The following CSMD1 variants were observed in gnomAD, a reference collection of about 807,000 sequenced individuals.
CSMD1 encodes CUB and Sushi multiple domains 1.
A neutral mutation model predicts 417.5 loss-of-function variants in CSMD1; 213 were observed. The ratio of observed to expected loss-of-function variants is 0.51; its 90% CI spans 0.46 to 0.57. CSMD1 has a LOEUF of 0.57. CSMD1 is among the 20% of genes least tolerant of loss of function. CSMD1 has a pLI of 0.00. For missense variants in CSMD1, 6,923 were observed against 4,529.7 expected, an observed-to-expected ratio of 1.53 and a Z score of -15.17; for synonymous variants, 2,862 against 1,736.8, an observed-to-expected ratio of 1.65 and a Z score of -16.11.
At chr8:3,534,422 G>C (rs549804537) in intron 10 of CSMD1, among the ~76,000 whole-genome samples, 26 of 148,312 alleles carry the variant, frequency 1.8e-4, no homozygotes, top group African/African-American at 6.0e-4. Context: ...TCTCTCCTTT[G>C]TTTTGGGCAA....
At chr8:3,915,192 G>T (rs2975330) in intron 5 of CSMD1, among the ~76,000 whole-genome samples, 31,500 of 151,884 alleles carry the variant, frequency 0.21, 3,773 homozygotes, top group African/African-American at 0.31. Context: ...GACCACCTAA[G>T]GTCAGGATTT....
At chr8:4,290,522 T>C (rs1797303876) in intron 3 of CSMD1, among the ~76,000 whole-genome samples, 1 of 152,196 alleles carries the variant, frequency 6.6e-6, no homozygotes, top group Non-Finnish European at 1.5e-5. Flanking sequence ...ATGATGTTTC[T>C]CTGAGTTATG....
chr8:3,125,834 G>T (rs188032848), intron 41 of CSMD1, among the ~76,000 whole-genome samples: 8 of 152,104 alleles, frequency 5.3e-5, no homozygotes, highest in Non-Finnish European at 1.2e-4. Flanking sequence ...AAAATTAGCT[G>T]GGCGTGGTAG....
chr8:4,105,337 A>AT (rs35419182), intron 3 of CSMD1, among the ~76,000 whole-genome samples: 37,764 of 151,160 alleles, frequency 0.25, 4,880 homozygotes, highest in East Asian at 0.45. Flanking sequence ...ACACTTCTGA[A>AT]TTTTTTTTTT....
At chr8:3,780,313 C>T (rs530194726) in intron 5 of CSMD1, among the ~76,000 whole-genome samples, 76 of 152,296 alleles carry the variant, frequency 5.0e-4, no homozygotes, top group African/African-American at 1.7e-3. Flanking sequence ...GCAAATGAGT[C>T]AACTGAAATA....
At chr8:3,936,733 T>G (rs922426216) in intron 5 of CSMD1, among the ~76,000 whole-genome samples, 1 of 152,190 alleles carries the variant, frequency 6.6e-6, no homozygotes, top group Admixed American at 6.6e-5. Flanking sequence ...TTCATGCTTG[T>G]TAACACAACA....
intron 2 of CSMD1, among the ~76,000 whole-genome samples, chr8:4,635,763 G>A (rs1802780280): frequency 6.6e-6 from 1 of 151,970 alleles, no homozygotes; most frequent in Non-Finnish European, 1.5e-5. Context: ...ATTTAAGAAA[G>A]CCTACATCAA....
At chr8:4,129,642 G>T (rs1030570152) in intron 3 of CSMD1, among the ~76,000 whole-genome samples, 2 of 151,950 alleles carry the variant, frequency 1.3e-5, no homozygotes, top group African/African-American at 4.8e-5. Context: ...AAATTTGGTA[G>T]GATATTCTCT....
chr8:3,423,820 T>C (rs1024376215), intron 12 of CSMD1, among the ~76,000 whole-genome samples: 2 of 152,218 alleles, frequency 1.3e-5, no homozygotes, highest in African/African-American at 2.4e-5. Context: ...CTCAGCGACC[T>C]TGTCTCTCCT....
intron 3 of CSMD1, among the ~76,000 whole-genome samples, chr8:4,257,891 T>C (rs185637924): frequency 1.3e-5 from 2 of 152,326 alleles, no homozygotes; most frequent in Non-Finnish European, 2.9e-5. Context: ...GCCTCTGTTG[T>C]GACCAGGCTA....
chr8:4,460,266 G>T (rs999984505), intron 2 of CSMD1, among the ~76,000 whole-genome samples: 1 of 151,884 alleles, frequency 6.6e-6, no homozygotes, highest in Non-Finnish European at 1.5e-5. Context: ...AATCACTAGG[G>T]AAATTTAAAA....
chr8:4,392,548 G>C (rs896467161), intron 3 of CSMD1, among the ~76,000 whole-genome samples: 3 of 151,846 alleles, frequency 2.0e-5, no homozygotes, highest in African/African-American at 7.3e-5. Flanking sequence ...TGGTCACTAG[G>C]AAACTTAAAT....
rs74534898 is a variant in CSMD1 at position 4,368,270 on chromosome 8, T to G, written c.415+51683A>C. On this transcript the variant is annotated intron_variant, in intron 3 of 69. Transcript: ENST00000635120. ...ATGATCTTGTGGCTTTTTTGTTCTG[T>G]GTATATGGTGAATCACATTTATTGA... is the stretch of plus-strand genomic sequence containing the variant. 2.4e-4 allele frequency among the ~76,000 whole-genome samples: 37 copies of G among 152,318 alleles called. No individual in the cohort carries two copies. The East Asian group carries it at 6.9e-3, about 29-fold the overall frequency.
At chr8:3,543,055 C>G (rs1389925782) in intron 10 of CSMD1, among the ~76,000 whole-genome samples, 1 of 152,136 alleles carries the variant, frequency 6.6e-6, no homozygotes, top group African/African-American at 2.4e-5. Context: ...TCGCTGGGCT[C>G]AGACAAGTTG....
At position 3,414,622 on chromosome 8, in the gene CSMD1, C is replaced by A. The variant is rs564710617; in HGVS notation, c.1562-5017G>T. ...ACCTTGCTTGAAATTTTTCTGGTGA[C>A]CAACTTTGTTCTTAGTCCAGATCCT... On this transcript the variant is annotated intron_variant, in intron 12 of 69. Coordinates refer to ENST00000635120, the MANE Select transcript of CSMD1 (RefSeq NM_033225.6). Among the ~76,000 whole-genome samples, 22 of 152,260 alleles carry A rather than the reference C, an allele frequency of 1.4e-4. No individual in the cohort carries two copies. The South Asian group carries it at 4.1e-3, about 29-fold the overall frequency.
intron 24 of CSMD1, among the ~76,000 whole-genome samples, chr8:3,308,063 CTAATAATATGTGATAAT>C (rs1563254180): frequency 2.0e-5 from 1 of 51,216 alleles, no homozygotes; most frequent in African/African-American, 5.0e-5. Context: ...TGTGATAATT[CTAATAATATGTGATAAT>C]TCTAATAATA....
chr8:3,605,801 A>G (rs1584951084), intron 8 of CSMD1, among the ~76,000 whole-genome samples: 2 of 152,116 alleles, frequency 1.3e-5, no homozygotes, highest in Non-Finnish European at 2.9e-5. Context: ...TCAACCCCCA[A>G]ATTCCCTTTA....
At chr8:4,821,963 G>C (rs776901685) in intron 1 of CSMD1, among the ~76,000 whole-genome samples, 26 of 151,990 alleles carry the variant, frequency 1.7e-4, no homozygotes, top group Non-Finnish European at 3.2e-4. Context: ...AAGCTTCTCA[G>C]AGAATACTAC....
At chr8:3,930,039 A>T (rs1200854558) in intron 5 of CSMD1, among the ~76,000 whole-genome samples, 1 of 150,292 alleles carries the variant, frequency 6.7e-6, no homozygotes, top group East Asian at 2.0e-4. Context: ...TTATATAAAG[A>T]TGTCTCTGAG....
Sources: gnomAD v4.1 joint callset for allele counts (sites outside exome capture counted in the v4.1 genomes callset) on GRCh38, gnomAD v4.1.1 for gene constraint, MANE v1.5 for transcripts, NCBI Gene and HGNC (gene_info 2026-07-23, HGNC 2026-07-21) for gene names.